PRDM10: variants seen among roughly 807,000 people sequenced by gnomAD.
PRDM10 encodes the protein PR/SET domain 10, also known as PR domain zinc finger protein 10.
Under a neutral mutation model 133.1 loss-of-function variants are expected in PRDM10, and 65 were observed. The ratio of observed to expected loss-of-function variants is 0.49; its 90% confidence interval spans 0.40 to 0.60. The LOEUF (loss-of-function observed/expected upper bound fraction) is 0.60. Ranked by LOEUF, PRDM10 falls within the 20% of genes least tolerant of loss-of-function variation. PRDM10 has a pLI of 0.00. For synonymous variants in PRDM10, 582 were observed against 580.4 expected, an observed-to-expected ratio of 1.00 and a Z score of -0.04; for missense variants, 1,137 against 1,507.1, an observed-to-expected ratio of 0.75 and a Z score of 4.07.
chr11:129,986,692 GT>G (rs1246796058), intron 1 of PRDM10, among the ~76,000 whole-genome samples: 47 of 152,270 alleles, frequency 3.1e-4, no homozygotes, highest in African/African-American at 1.1e-3. Context: ...ATGACTTTGC[GT>G]GGAGGGCAAC....
At chr11:129,975,980 T>A (rs1937736135) in intron 1 of PRDM10, among the ~76,000 whole-genome samples, 1 of 152,136 alleles carries the variant, frequency 6.6e-6, no homozygotes, top group Non-Finnish European at 1.5e-5. Flanking sequence ...GCAATGATAT[T>A]TGGTCTCCTA....
chr11:130,002,108 C>T (rs1375468879), intron 1 of PRDM10, among the ~76,000 whole-genome samples: 1 of 150,770 alleles, frequency 6.6e-6, no homozygotes, highest in Non-Finnish European at 1.5e-5. Flanking sequence ...CGGCCAGCCC[C>T]GGAGCCCTGC....
chr11:129,983,233 C>T (rs1478586837), intron 1 of PRDM10, among the ~76,000 whole-genome samples: 1 of 152,008 alleles, frequency 6.6e-6, no homozygotes, highest in Non-Finnish European at 1.5e-5. Context: ...CTGCCTCTGC[C>T]TCCCAAAGGG....
At chr11:129,914,634 A>G (rs763907491) in intron 17 of PRDM10, 70 bp downstream of exon 17, 2 of 1,583,280 alleles carry the variant, frequency 1.3e-6, no homozygotes, top group East Asian at 2.2e-5. Flanking sequence ...TCCCAGCCCC[A>G]GCTCTGAGAA....
intron 13 of PRDM10, among the ~76,000 whole-genome samples, chr11:129,920,798 C>T (rs1950502228): frequency 6.6e-6 from 1 of 151,900 alleles, no homozygotes; most frequent in African/African-American, 2.4e-5. Context: ...ATCAGTGAAT[C>T]CCTCTCACAG....
intron 1 of PRDM10, among the ~76,000 whole-genome samples, chr11:129,973,762 A>T (rs1386525722): frequency 6.6e-6 from 1 of 152,226 alleles, no homozygotes; most frequent in Non-Finnish European, 1.5e-5. Context: ...TAAAAAAATC[A>T]TGGTACTTGA....
chr11:129,958,316 C>A (rs1458860213), intron 2 of PRDM10, among the ~76,000 whole-genome samples: 2 of 152,150 alleles, frequency 1.3e-5, no homozygotes, highest in Non-Finnish European at 2.9e-5. Flanking sequence ...TATTTTATAA[C>A]TAATAGTGTC....
chr11:129,970,297 T>C (rs1951991022), intron 1 of PRDM10, among the ~76,000 whole-genome samples: 1 of 152,200 alleles, frequency 6.6e-6, no homozygotes, highest in African/African-American at 2.4e-5. Context: ...ACTTCTGAAG[T>C]AGGCACATTA....
Position 130,002,810 on chromosome 11 carries a change from C to T in PRDM10, c.-207G>A, listed in dbSNP as rs571278507. On this transcript the variant is annotated 5_prime_UTR_variant, in exon 1 of 21. Transcript: ENST00000360871. Reference sequence around the variant, plus strand: ...TAGAAATCAACCCCCCCCGCCACCTCCAGGTGGTTCTTCCCGCCGCAGAGT... The same window carrying T: ...TAGAAATCAACCCCCCCCGCCACCTTCAGGTGGTTCTTCCCGCCGCAGAGT... 1 of 207,678 alleles carries T rather than the reference C, an allele frequency of 4.8e-6. No individual in the cohort carries two copies. Among genetic ancestry groups the T allele is most frequent in the East Asian group, 1.7e-4 (1 of 5,890 alleles). The allele number at this position is 207,678 out of a possible 1,614,324, so 12.9% of individuals were successfully genotyped here. A position where few individuals can be genotyped will look rare whatever the true frequency, so the allele number is the denominator to read the frequency against.
In PRDM10 at chr11:129,914,708, G is replaced by T. The variant is rs370489624; in HGVS notation, c.2837C>A (p.Ala946Asp). Residue 946 changes from alanine (A) to aspartate (D), a missense_variant, in exon 17 of 21, where the codon GCC (alanine) becomes GAC (aspartate). Ala to Asp is a moderately radical substitution (Grantham distance 126). Around this residue, in one of 6 missense-constraint regions of PRDM10, gnomAD observed 113 missense variants for 143.7 expected, o/e 0.79. Coordinates refer to ENST00000360871, the MANE Select transcript of PRDM10 (RefSeq NM_199437.2). ...GGAAACCAAGGCACGCAGTACCGAG[G>T]CCACTTGAACCACTTGCAGCTGTAT... ...QHIQLQVVQV[A>D]SATSPHQSQQ... The T allele has an allele frequency of 1.2e-6, 2 of 1,614,108 alleles. No individual in the cohort carries two copies. The highest frequency in any genetic ancestry group is 2.7e-5 in the African/African-American group (2 of 74,940).
In PRDM10 at chr11:129,901,454, T is replaced by G. The variant is rs1010388332; in HGVS notation, c.*859A>C. 7.9e-6 allele frequency: 1 copy of G among 126,750 alleles called. No individual in the cohort carries two copies. Among genetic ancestry groups the G allele is most frequent in the African/African-American group, 2.7e-5 (1 of 36,658 alleles). The allele number at this position is 126,750 out of a possible 1,614,324, so 7.9% of individuals were successfully genotyped here. A position where few individuals can be genotyped will look rare whatever the true frequency, so the allele number is the denominator to read the frequency against. On this transcript the variant is annotated 3_prime_UTR_variant, in exon 21 of 21. Coordinates refer to ENST00000360871, the MANE Select transcript of PRDM10 (RefSeq NM_199437.2). ...AAGGCAGAACAAAATTTCAATACTT[T>G]CTCTCTCTCTCTCTCAATAGTTTTG...
At chr11:129,926,219 G>C (rs901548269) in intron 11 of PRDM10, among the ~76,000 whole-genome samples, 12 of 152,132 alleles carry the variant, frequency 7.9e-5, no homozygotes, top group Non-Finnish European at 1.2e-4. Context: ...GGGAGAGTAC[G>C]GGTACTCAGT....
At chr11:129,916,330 T>C (rs906208312) in intron 15 of PRDM10, among the ~76,000 whole-genome samples, 4 of 152,246 alleles carry the variant, frequency 2.6e-5, no homozygotes, top group African/African-American at 9.6e-5. Flanking sequence ...TTTCTCACTT[T>C]TAAGCTGATA....
At chr11:129,988,925 G>A (rs181255920) in intron 1 of PRDM10, among the ~76,000 whole-genome samples, 67 of 152,088 alleles carry the variant, frequency 4.4e-4, no homozygotes, top group African/African-American at 1.4e-3. Context: ...CACTGCGCCC[G>A]GCCAAGTCAA....
intron 1 of PRDM10, among the ~76,000 whole-genome samples, chr11:129,990,566 T>C (rs1032605506): frequency 6.6e-6 from 1 of 150,386 alleles, no homozygotes; most frequent in Non-Finnish European, 1.5e-5. Flanking sequence ...ACCATACTGG[T>C]TTGAAGTAAT....
At chr11:129,978,879 G>A (rs1366448306) in intron 1 of PRDM10, among the ~76,000 whole-genome samples, 1 of 152,096 alleles carries the variant, frequency 6.6e-6, no homozygotes, top group Non-Finnish European at 1.5e-5. Context: ...AAAAAACAAA[G>A]ACCGATCCTC....
chr11:129,938,513 A>T (rs7924347), intron 7 of PRDM10, among the ~76,000 whole-genome samples: 1 of 151,876 alleles, frequency 6.6e-6, no homozygotes, highest in Non-Finnish European at 1.5e-5. Flanking sequence ...ATTGTTCTCC[A>T]TCCCCGCTTT....
At chr11:129,966,620 C>T (rs1047511715) in intron 1 of PRDM10, among the ~76,000 whole-genome samples, 1 of 152,198 alleles carries the variant, frequency 6.6e-6, no homozygotes, top group African/African-American at 2.4e-5. Flanking sequence ...CAAATATCTA[C>T]CATTGGAAAA....
At chr11:129,949,717 G>C (rs1016137979) in intron 4 of PRDM10, among the ~76,000 whole-genome samples, 1 of 151,946 alleles carries the variant, frequency 6.6e-6, no homozygotes, top group Non-Finnish European at 1.5e-5. Context: ...GATCACCTGA[G>C]GTCAGGAGTT....
Sources: gnomAD v4.1 joint callset for allele counts (sites outside exome capture counted in the v4.1 genomes callset) on GRCh38, gnomAD v4.1.1 for gene constraint, gnomAD v4.1.1 regional missense constraint, MANE v1.5 for transcripts, NCBI Gene and HGNC (gene_info 2026-07-23, HGNC 2026-07-21) for gene names.